SLC24A2: variants seen among roughly 807,000 people sequenced by gnomAD.
SLC24A2 encodes solute carrier family 24 member 2.
In SLC24A2, 36 loss-of-function variants were observed where a neutral mutation model predicts 62.0. The observed-to-expected ratio is 0.58, with a 90% CI of 0.44 to 0.77. SLC24A2 has a LOEUF of 0.77. Ranked by LOEUF, SLC24A2 falls within the 30% of genes least tolerant of loss-of-function variation. SLC24A2 has a pLI of 0.00. For synonymous variants in SLC24A2, 358 were observed against 294.0 expected (o/e 1.22, Z -2.23); for missense variants, 846 against 817.9 (o/e 1.03, Z -0.42).
At chr9:20,087,796 G>A in the SLC24A2 span, among the ~76,000 whole-genome samples, 3 of 152,208 alleles carry the variant, frequency 2.0e-5, no homozygotes, top group Non-Finnish European at 4.4e-5. Flanking sequence ...CCAGGTACAT[G>A]CACTGGCATT....
At chr9:20,103,268 A>C in the SLC24A2 span, among the ~76,000 whole-genome samples, 1 of 152,214 alleles carries the variant, frequency 6.6e-6, no homozygotes, top group South Asian at 2.1e-4. Flanking sequence ...CTCTGGGGGC[A>C]GGGCACAGAC....
chr9:20,094,120 A>G, the SLC24A2 span, among the ~76,000 whole-genome samples: 1 of 152,298 alleles, frequency 6.6e-6, no homozygotes, highest in South Asian at 2.1e-4. Flanking sequence ...TGCCTTGACA[A>G]GAATCAACAC....
intron 8 of SLC24A2, among the ~76,000 whole-genome samples, chr9:19,548,370 C>G (rs1834683859): frequency 6.6e-6 from 1 of 152,194 alleles, no homozygotes; most frequent in South Asian, 2.1e-4. Flanking sequence ...GCCCTACCTT[C>G]TAGGAAATGA....
intron 2 of SLC24A2, among the ~76,000 whole-genome samples, chr9:19,692,087 G>A (rs1305699186): frequency 6.6e-6 from 1 of 152,152 alleles, no homozygotes; most frequent in Admixed American, 6.6e-5. Context: ...GGAGTTCACT[G>A]CATTAACCTA....
intron 2 of SLC24A2, among the ~76,000 whole-genome samples, chr9:19,747,955 A>G (rs1821881599): frequency 6.6e-6 from 1 of 152,178 alleles, no homozygotes; most frequent in African/African-American, 2.4e-5. Context: ...GTTAGCAAAT[A>G]CTATCATGGC....
At chr9:19,849,944 A>G in the SLC24A2 span, among the ~76,000 whole-genome samples, 1 of 152,226 alleles carries the variant, frequency 6.6e-6, no homozygotes, top group Non-Finnish European at 1.5e-5. Context: ...ATAACATTTG[A>G]AAGGCAGTTA....
At chr9:20,249,720 A>T in the SLC24A2 span, among the ~76,000 whole-genome samples, 1 of 151,718 alleles carries the variant, frequency 6.6e-6, no homozygotes, top group Non-Finnish European at 1.5e-5. Context: ...AAAAAAAAAA[A>T]AAAAAATGAG....
At position 19,588,455 on chromosome 9, in the gene SLC24A2, G is replaced by C. The variant is rs141910622; in HGVS notation, c.1129+8774C>G. 3.0e-3 allele frequency among the ~76,000 whole-genome samples: 450 copies of C among 152,238 alleles called. 4 individuals carry two copies. Among genetic ancestry groups the C allele is most frequent in the African/African-American group, 0.01 (436 of 41,550 alleles). The stretch of plus-strand genomic sequence containing the variant: ...GGTATGAAGGGCACACACTGCAGTG[G>C]AAATTGGAGATTCTGTGTAGGAAAT... On this transcript the variant is annotated intron_variant, in intron 5 of 10. Coordinates refer to ENST00000341998, the MANE Select transcript of SLC24A2 (RefSeq NM_020344.4).
At chr9:20,074,605 A>AAGGAAGGAAGGAAGGAAG in the SLC24A2 span, among the ~76,000 whole-genome samples, 113 of 52,968 alleles carry the variant, frequency 2.1e-3, 1 homozygote, top group African/African-American at 3.1e-3. Context: ...AAGGAAGGAA[A>AAGGAAGGAAGGAAGGAAG]GAAGGGAGTG....
chr9:19,648,959 A>C (rs1818720921), intron 2 of SLC24A2, among the ~76,000 whole-genome samples: 1 of 148,410 alleles, frequency 6.7e-6, no homozygotes, highest in South Asian at 2.2e-4. Flanking sequence ...TTTATTCCAA[A>C]ATGAGAGGGC....
the SLC24A2 span, among the ~76,000 whole-genome samples, chr9:19,999,767 T>C: frequency 6.6e-6 from 1 of 152,132 alleles, no homozygotes; most frequent in Admixed American, 6.5e-5. Context: ...CTTACAGTCA[T>C]CCTGAGCCAG....
At chr9:20,185,999 G>T in the SLC24A2 span, among the ~76,000 whole-genome samples, 1 of 152,124 alleles carries the variant, frequency 6.6e-6, no homozygotes, top group Admixed American at 6.5e-5. Flanking sequence ...GCCTCTTGGG[G>T]CTTACACCAA....
At chr9:19,817,306 T>C in the SLC24A2 span, among the ~76,000 whole-genome samples, 1 of 151,846 alleles carries the variant, frequency 6.6e-6, no homozygotes. Context: ...CCTGCCCATT[T>C]CATACTGTAT....
chr9:20,219,418 G>C, the SLC24A2 span, among the ~76,000 whole-genome samples: 1 of 152,114 alleles, frequency 6.6e-6, no homozygotes, highest in South Asian at 2.1e-4. Context: ...AAATCACCTA[G>C]GGCTGAATTG....
At chr9:19,772,376 C>G (rs904363566) in intron 2 of SLC24A2, among the ~76,000 whole-genome samples, 1 of 152,278 alleles carries the variant, frequency 6.6e-6, no homozygotes, top group East Asian at 1.9e-4. Context: ...CAAGATAGAA[C>G]AGCTTGGTAG....
chr9:19,786,477 TC>T lies in SLC24A2; in HGVS notation c.389del (p.Arg130LysfsTer13). 2.5e-6 allele frequency: 4 copies of T among 1,614,166 alleles called. No homozygotes were observed. The highest frequency in any genetic ancestry group is 3.4e-6 in the Non-Finnish European group (4 of 1,180,034). On this transcript the variant is annotated frameshift_variant, in exon 2 of 11. Transcript: ENST00000341998. LOFTEE classifies it high-confidence loss of function. The surrounding 1 kb of genome is among the most constrained non-coding windows in gnomAD (Gnocchi z 5.0). ...CATGCAGAATGATCGCACCTTTTCT[TC>T]TCTCCTCAAGGGAAAAGATGTCTTT... ...YPKDIFSLEE[R>X]RKGAIILHVI...
the SLC24A2 span, among the ~76,000 whole-genome samples, chr9:20,256,961 G>A: frequency 2.0e-5 from 3 of 151,574 alleles, no homozygotes; most frequent in African/African-American, 7.3e-5. Context: ...TGCCTAAAGT[G>A]AATGAGCATG....
the SLC24A2 span, among the ~76,000 whole-genome samples, chr9:20,273,754 T>C: frequency 6.6e-6 from 1 of 152,170 alleles, no homozygotes; most frequent in Admixed American, 6.5e-5. Context: ...AATGGACTAA[T>C]ACACCAAGTT....
At chr9:20,248,269 G>A in the SLC24A2 span, among the ~76,000 whole-genome samples, 1 of 152,192 alleles carries the variant, frequency 6.6e-6, no homozygotes, top group Admixed American at 6.5e-5. Context: ...ATACATCGAG[G>A]ATCTTTGTGC....
Sources: allele counts gnomAD v4.1 joint callset (sites outside exome capture counted in the v4.1 genomes callset), GRCh38; gene constraint gnomAD v4.1.1; non-coding constraint Gnocchi (gnomAD v3.1); transcripts MANE v1.5; gene names NCBI Gene and HGNC (gene_info 2026-07-23, HGNC 2026-07-21).